Variants in MIPEP observed in about 807,000 individuals in gnomAD.
MIPEP encodes the protein mitochondrial intermediate peptidase.
A neutral mutation model predicts 90.3 loss-of-function variants in MIPEP; 79 were observed. The ratio of observed to expected loss-of-function variants is 0.87; its 90% confidence interval spans 0.73 to 1.05. MIPEP has a LOEUF of 1.05. Ranked by LOEUF, MIPEP falls within the 50% of genes least tolerant of loss-of-function variation. MIPEP has a pLI of 0.00. For missense variants in MIPEP, 940 were observed against 905.6 expected, an observed-to-expected ratio of 1.04 and a Z score of -0.49; for synonymous variants, 334 against 315.8, an observed-to-expected ratio of 1.06 and a Z score of -0.61.
chr13:23,785,914 G>T (rs1291788340), intron 16 of MIPEP, among the ~76,000 whole-genome samples: 1 of 152,024 alleles, frequency 6.6e-6, no homozygotes, highest in South Asian at 2.1e-4. Context: ...GGGAAAAGAC[G>T]AATTATAACG....
intron 5 of MIPEP, 87 bp from the exon 6 acceptor site, chr13:23,870,282 C>T (rs1402220745): frequency 1.2e-6 from 1 of 806,126 alleles, no homozygotes; most frequent in Non-Finnish European, 1.8e-6. Flanking sequence ...TATGTCAAAT[C>T]AACATATATA....
intron 12 of MIPEP, 101 bp downstream of exon 12, chr13:23,839,548 T>A: frequency 1.4e-6 from 1 of 708,178 alleles, no homozygotes; most frequent in Non-Finnish European, 2.2e-6. Context: ...CATTAGTAAC[T>A]TTTAAATGTC....
At chr13:23,791,278 C>G (rs376119213) in intron 16 of MIPEP, among the ~76,000 whole-genome samples, 2 of 152,122 alleles carry the variant, frequency 1.3e-5, no homozygotes, top group Non-Finnish European at 2.9e-5. Flanking sequence ...CACAACCATC[C>G]CCACAGCTCT....
chr13:23,796,951 T>A (rs1468876360), intron 16 of MIPEP, among the ~76,000 whole-genome samples: 1 of 152,130 alleles, frequency 6.6e-6, no homozygotes, highest in African/African-American at 2.4e-5. Flanking sequence ...ACAACACACA[T>A]CCAAAACAAA....
intron 10 of MIPEP, among the ~76,000 whole-genome samples, chr13:23,849,459 A>G (rs372734372): frequency 2.2e-4 from 33 of 152,246 alleles, no homozygotes; most frequent in African/African-American, 7.5e-4. Flanking sequence ...AGGGATCTCT[A>G]GAACCCTTTG....
chr13:23,791,066 C>T (rs1952893773), intron 16 of MIPEP, among the ~76,000 whole-genome samples: 1 of 152,176 alleles, frequency 6.6e-6, no homozygotes, highest in African/African-American at 2.4e-5. Flanking sequence ...TGGGACCTCA[C>T]AATCCACTTC....
intron 14 of MIPEP, among the ~76,000 whole-genome samples, chr13:23,824,701 G>A (rs1953346030): frequency 6.6e-6 from 1 of 152,118 alleles, no homozygotes; most frequent in Non-Finnish European, 1.5e-5. Flanking sequence ...TAATCCAGAT[G>A]GCACATAATC....
intron 18 of MIPEP, among the ~76,000 whole-genome samples, chr13:23,734,049 C>T (rs956797192): frequency 6.6e-6 from 1 of 152,266 alleles, no homozygotes; most frequent in Non-Finnish European, 1.5e-5. Context: ...TAGGTTATTA[C>T]TTAAGTAGAC....
At chr13:23,888,228 A>C in intron 1 of MIPEP, 1 of 349,452 alleles carries the variant, frequency 2.9e-6, no homozygotes, top group Non-Finnish European at 5.6e-6. Flanking sequence ...GTTAATACCA[A>C]CACTACATAC....
chr13:23,863,067 A>C (rs1870381277), intron 8 of MIPEP, among the ~76,000 whole-genome samples: 1 of 152,266 alleles, frequency 6.6e-6, no homozygotes, highest in Non-Finnish European at 1.5e-5. Flanking sequence ...GAGAAGAATG[A>C]GTTCTAAGGC....
At position 23,756,696 on chromosome 13, in the gene MIPEP, C is replaced by G. The variant is rs1593135818; in HGVS notation, c.1971-78G>C. On this transcript the variant is annotated intron_variant, in intron 17 of 18. Transcript: ENST00000382172. ...ACTTGTCTTGAATTCTCAAAGAAAG[C>G]CACACTGATGCCATATTCATAAAAG... The G allele has an allele frequency of 7.3e-6, 10 of 1,364,834 alleles. No homozygotes were observed. In the East Asian group the frequency reaches 2.1e-4, roughly 28 times the overall value. The allele number at this position is 1,364,834 out of a possible 1,614,324, so 84.5% of individuals were successfully genotyped here.
In MIPEP at chr13:23,837,692, A is replaced by G. The variant is rs142669668; in HGVS notation, c.1403T>C (p.Val468Ala). The G allele has an allele frequency of 6.2e-7, 1 of 1,614,008 alleles. No individual in the cohort carries two copies. The highest frequency in any genetic ancestry group is 1.3e-5 in the African/African-American group (1 of 74,938). The change falls in exon 13 of 19, where the codon GTA becomes GCA. Residue 468 changes from valine (V) to alanine (A), a missense_variant. Val to Ala is a moderately conservative substitution (Grantham distance 64). Coordinates refer to ENST00000382172, the MANE Select transcript of MIPEP (RefSeq NM_005932.4). ...ACGGGGAAGATTCAGCATAAGAACT[A>G]CAACTGGGAGTTGATAGTCTCCATC... ...KEDGDYQLPV[V>A]VLMLNLPRSS...
intron 14 of MIPEP, among the ~76,000 whole-genome samples, chr13:23,823,605 G>T (rs1198546691): frequency 6.6e-6 from 1 of 152,210 alleles, no homozygotes; most frequent in African/African-American, 2.4e-5. Context: ...AAAGCTGGAG[G>T]ACTGCTTGAG....
chr13:23,760,214 A>C lies in MIPEP; in HGVS notation c.1852T>G (p.Trp618Gly), dbSNP rs1361542805. Residue 618 changes from tryptophan to glycine, a missense_variant, in exon 17 of 19, where the codon TGG becomes GGG. Physicochemically the swap from Trp to Gly is radical, Grantham distance 184 (BLOSUM62 -2). Transcript: ENST00000382172. ...ACGAGGTGGCTGAATCGCAGCTGCC[A>C]GGCCTGCCAAGAACAGAGAGACACA... ...YGLPYVPNTA[W>G]QLRFSHLVGY... 2 of 1,614,090 alleles carry C rather than the reference A, an allele frequency of 1.2e-6. No individual in the cohort carries two copies. Among genetic ancestry groups the C allele is most frequent in the South Asian group, 2.2e-5 (2 of 91,086 alleles).
intron 18 of MIPEP, among the ~76,000 whole-genome samples, chr13:23,732,189 A>T (rs1952213499): frequency 6.6e-6 from 1 of 151,734 alleles, no homozygotes; most frequent in Admixed American, 6.6e-5. Context: ...GGGTCTTGTC[A>T]TGTTGCCCAG....
intron 18 of MIPEP, among the ~76,000 whole-genome samples, chr13:23,734,808 A>C (rs946792114): frequency 6.6e-6 from 1 of 152,222 alleles, no homozygotes; most frequent in East Asian, 1.9e-4. Context: ...GCATCTCCAC[A>C]GGGGGGAATG....
chr13:23,818,150 T>A (rs1252848250), intron 14 of MIPEP, among the ~76,000 whole-genome samples: 2 of 150,926 alleles, frequency 1.3e-5, no homozygotes, highest in African/African-American at 5.0e-5. Flanking sequence ...GGCACGTTGG[T>A]TCACTCCTGT....
At chr13:23,846,931 A>G (rs1869571534) in intron 10 of MIPEP, among the ~76,000 whole-genome samples, 1 of 152,222 alleles carries the variant, frequency 6.6e-6, no homozygotes, top group Admixed American at 6.5e-5. Context: ...AGCAAAAACG[A>G]TCCTTTAAGG....
chr13:23,870,155 A>G lies in MIPEP; in HGVS notation c.644T>C (p.Leu215Ser), dbSNP rs1870724590. 1.2e-6 allele frequency: 2 copies of G among 1,607,066 alleles called. No individual in the cohort carries two copies. Among genetic ancestry groups the G allele is most frequent in the African/African-American group, 1.3e-5 (1 of 74,684 alleles). Residue 215 changes from leucine to serine, a missense_variant, in exon 6 of 19, where the codon TTG becomes TCG. Leu to Ser is a moderately radical substitution (Grantham distance 145, BLOSUM62 -2). Transcript: ENST00000382172. ...GGTTCCCATAAGAAATGTACTACTCAAATCCAAGATTTTAACATTGAGGTC... is the reference window on the plus strand; with the variant it reads ...GGTTCCCATAAGAAATGTACTACTCGAATCCAAGATTTTAACATTGAGGTC... ...AVDLNVKILD[L>S]SSTFLMGTNF...
Sources: gnomAD v4.1 joint callset for allele counts (sites outside exome capture counted in the v4.1 genomes callset) on GRCh38, gnomAD v4.1.1 for gene constraint, MANE v1.5 for transcripts, NCBI Gene and HGNC (gene_info 2026-07-23, HGNC 2026-07-21) for gene names.